The following RPH3AL variants were observed in gnomAD, a reference collection of about 807,000 sequenced individuals.
RPH3AL encodes the protein rabphilin 3A like (without C2 domains).
A neutral mutation model predicts 43.1 loss-of-function variants in RPH3AL; 38 were observed. The observed-to-expected ratio is 0.88, with a 90% CI of 0.68 to 1.15. The LOEUF (loss-of-function observed/expected upper bound fraction) is 1.15. Ranked by LOEUF, RPH3AL falls within the 50% of genes most tolerant of loss-of-function variation. The pLI is 0.00. For missense variants in RPH3AL, 462 were observed against 423.2 expected, an observed-to-expected ratio of 1.09 and a Z score of -0.81; for synonymous variants, 189 against 176.3, an observed-to-expected ratio of 1.07 and a Z score of -0.57.
At chr17:226,279 A>C (rs965373812) in intron 7 of RPH3AL, among the ~76,000 whole-genome samples, 1 of 152,214 alleles carries the variant, frequency 6.6e-6, no homozygotes, top group African/African-American at 2.4e-5. Context: ...CAGGTGACAC[A>C]GCAGGCGCCA....
chr17:330,820 G>A (rs1480294564), intron 2 of RPH3AL: 2 of 151,238 alleles, frequency 1.3e-5, no homozygotes, highest in Non-Finnish European at 2.9e-5. Context: ...AGGTTGCAGT[G>A]AGCTGAGATC....
chr17:310,774 T>G (rs572641175), intron 5 of RPH3AL, among the ~76,000 whole-genome samples: 1 of 152,130 alleles, frequency 6.6e-6, no homozygotes, highest in African/African-American at 2.4e-5. Context: ...GCGATAAATA[T>G]TTGTGGGATA....
intron 5 of RPH3AL, among the ~76,000 whole-genome samples, chr17:315,134 C>T (rs1398950404): frequency 2.8e-5 from 3 of 108,270 alleles, no homozygotes; most frequent in African/African-American, 1.1e-4. Context: ...AGTCTCTGTG[C>T]TCCACCTCCA....
At chr17:258,567 C>G (rs2042122318) in intron 6 of RPH3AL, among the ~76,000 whole-genome samples, 1 of 152,158 alleles carries the variant, frequency 6.6e-6, no homozygotes, top group Non-Finnish European at 1.5e-5. Flanking sequence ...GCTGCCCTGC[C>G]TCCCCTGGCA....
In RPH3AL at chr17:293,525, C is replaced by T. The variant is rs149472767; in HGVS notation, c.352-11671G>A. On this transcript the variant is annotated intron_variant, in intron 5 of 9. Transcript: ENST00000331302. ...CCAGGGGCCTCAGTTAACCCCTTCC[C>T]GGTCCTGGTTAACCTCTGCATCCCC... Among the ~76,000 whole-genome samples the T allele has an allele frequency of 7.2e-3, 1,098 of 152,256 alleles. 10 individuals are homozygous for T. The highest frequency in any genetic ancestry group is 0.024 in the African/African-American group (1,003 of 41,534).
At chr17:244,377 G>A (rs1393494216) in intron 7 of RPH3AL, among the ~76,000 whole-genome samples, 1 of 152,028 alleles carries the variant, frequency 6.6e-6, no homozygotes, top group East Asian at 1.9e-4. Flanking sequence ...AGCTACAGGT[G>A]CATGAGCCTA....
chr17:315,107 C>T (rs1355980706), intron 5 of RPH3AL, among the ~76,000 whole-genome samples: 1 of 148,592 alleles, frequency 6.7e-6, no homozygotes, highest in Non-Finnish European at 1.5e-5. Context: ...CCTGTGACCC[C>T]ACCTCCATTG....
chr17:224,812 T>C (rs532677305), intron 7 of RPH3AL, among the ~76,000 whole-genome samples: 1 of 152,208 alleles, frequency 6.6e-6, no homozygotes, highest in South Asian at 2.1e-4. Flanking sequence ...ATGTCCTTTG[T>C]AGGGACATGG....
intron 3 of RPH3AL, among the ~76,000 whole-genome samples, chr17:325,529 A>G (rs776061151): frequency 6.0e-5 from 9 of 150,764 alleles, no homozygotes; most frequent in Non-Finnish European, 1.2e-4. Flanking sequence ...CTTCCCCCCT[A>G]CTCCCATCTA....
intron 5 of RPH3AL, among the ~76,000 whole-genome samples, chr17:317,079 C>G (rs1175598402): frequency 5.4e-5 from 8 of 148,952 alleles, no homozygotes; most frequent in Admixed American, 5.3e-4. Context: ...CCTGTAGTCT[C>G]TGTGCTCCAC....
At chr17:267,049 C>G (rs1467251468) in intron 6 of RPH3AL, among the ~76,000 whole-genome samples, 2 of 152,258 alleles carry the variant, frequency 1.3e-5, no homozygotes, top group African/African-American at 4.8e-5. Flanking sequence ...TTTGCATCAT[C>G]TCTCACGTCA....
Position 264,437 on chromosome 17 carries a change from T to C in RPH3AL, c.439-17152A>G, listed in dbSNP as rs55954927. Among the ~76,000 whole-genome samples the C allele has an allele frequency of 8.7e-4, 67 of 77,182 alleles. 2 individuals are homozygous for C. Among genetic ancestry groups the C allele is most frequent in the East Asian group, 2.3e-3 (8 of 3,418 alleles). The allele number at this position is 77,182 out of a possible 152,430, so 50.6% of individuals were successfully genotyped here. ...GGATGGGGACTCAGAATCTGCAGCA[T>C]GTTGACAGCAGGATTACCCTTCGGA... On this transcript the variant is annotated intron_variant, in intron 6 of 9. Coordinates refer to ENST00000331302, the MANE Select transcript of RPH3AL (RefSeq NM_006987.4). The surrounding 1 kb of genome is among the most constrained non-coding windows in gnomAD (Gnocchi z 4.8).
intron 6 of RPH3AL, among the ~76,000 whole-genome samples, chr17:253,677 T>G (rs1021787028): frequency 3.7e-5 from 5 of 134,022 alleles, no homozygotes; most frequent in African/African-American, 1.2e-4. Context: ...CCTAGGAACG[T>G]TACTACCCTA....
intron 1 of RPH3AL, among the ~76,000 whole-genome samples, chr17:352,347 A>G (rs921450279): frequency 6.6e-6 from 1 of 152,024 alleles, no homozygotes; most frequent in African/African-American, 2.4e-5. Context: ...CACTCCCCCA[A>G]ATCCATCTCT....
intron 5 of RPH3AL, among the ~76,000 whole-genome samples, chr17:293,473 G>A (rs868229579): frequency 3.1e-4 from 47 of 152,018 alleles, no homozygotes; most frequent in African/African-American, 9.9e-4. Context: ...GCTGGGGGCC[G>A]GGGCTCCGGG....
At chr17:231,873 G>C (rs999905295) in intron 7 of RPH3AL, among the ~76,000 whole-genome samples, 15 of 152,262 alleles carry the variant, frequency 9.9e-5, no homozygotes, top group African/African-American at 3.6e-4. Context: ...TGGCTGATGA[G>C]GGCCTTCTGC....
intron 5 of RPH3AL, among the ~76,000 whole-genome samples, chr17:285,870 C>T (rs1049789902): frequency 6.6e-6 from 1 of 152,204 alleles, no homozygotes; most frequent in East Asian, 1.9e-4. Flanking sequence ...TCTCCACCCC[C>T]ATCCCGTCTA....
intron 7 of RPH3AL, among the ~76,000 whole-genome samples, chr17:226,887 A>AT (rs904301794): frequency 6.6e-6 from 1 of 151,786 alleles, no homozygotes; most frequent in African/African-American, 2.4e-5. Flanking sequence ...AGGCTGATAC[A>AT]TTTTTTTTCT....
At chr17:223,168 T>C (rs4413020) in intron 7 of RPH3AL, among the ~76,000 whole-genome samples, 137,866 of 150,866 alleles carry the variant, frequency 0.91, 63,130 homozygotes, top group Non-Finnish European at 0.94. Context: ...CTAGCCTGGG[T>C]GACAGAGCAA....
Sources: gnomAD v4.1 joint callset for allele counts (sites outside exome capture counted in the v4.1 genomes callset) on GRCh38, gnomAD v4.1.1 for gene constraint, Gnocchi (gnomAD v3.1) non-coding constraint, MANE v1.5 for transcripts, NCBI Gene and HGNC (gene_info 2026-07-23, HGNC 2026-07-21) for gene names.